The following ELMO1 variants were observed in gnomAD, a reference collection of about 807,000 sequenced individuals.
The protein encoded by ELMO1 is engulfment and cell motility 1.
A neutral mutation model predicts 98.9 loss-of-function variants in ELMO1; 26 were observed. That is an observed-to-expected ratio of 0.26 (90% CI 0.19 to 0.36). The LOEUF (loss-of-function observed/expected upper bound fraction) is 0.36. Ranked by LOEUF, ELMO1 falls within the 10% of genes least tolerant of loss-of-function variation. The pLI is 1.00. For synonymous variants in ELMO1, 346 were observed against 346.0 expected (o/e 1.00, Z 0.00); for missense variants, 627 against 935.2 (o/e 0.67, Z 4.30).
intron 1 of ELMO1, among the ~76,000 whole-genome samples, chr7:37,418,921 CA>C (rs1481768354): frequency 3.9e-5 from 6 of 152,092 alleles, no homozygotes; most frequent in Non-Finnish European, 7.4e-5. Flanking sequence ...GTACTCGCAA[CA>C]AGACTAAGCA....
At chr7:37,069,490 G>A (rs2129223213) in intron 15 of ELMO1, among the ~76,000 whole-genome samples, 1 of 152,274 alleles carries the variant, frequency 6.6e-6, no homozygotes, top group South Asian at 2.1e-4. Context: ...AGTTCTAGCA[G>A]CTGCAAACAT....
At chr7:37,287,194 C>CAA (rs59637350) in intron 4 of ELMO1, among the ~76,000 whole-genome samples, 8 of 99,870 alleles carry the variant, frequency 8.0e-5, no homozygotes, top group Non-Finnish European at 1.1e-4. Flanking sequence ...GACTCCTTCT[C>CAA]AAAAAAAAAA....
rs2129239018 is a variant in ELMO1 at position 37,084,022 on chromosome 7, A to G, written c.1300+12597T>C. Among the ~76,000 whole-genome samples the G allele has an allele frequency of 1.3e-5, 2 of 152,318 alleles. 1 individual carries two copies. The highest frequency in any genetic ancestry group is 4.1e-4 in the South Asian group (2 of 4,824). The stretch of plus-strand genomic sequence containing the variant: ...GAGCTGTCTGGAGGCAGTTGGGGAT[A>G]TAATAAATTAGGAAGTCACACAGCT... On this transcript the variant is annotated intron_variant, in intron 15 of 21. Transcript: ENST00000310758.
intron 6 of ELMO1, among the ~76,000 whole-genome samples, chr7:37,251,633 G>A (rs1795354564): frequency 1.3e-5 from 2 of 152,180 alleles, no homozygotes; most frequent in Non-Finnish European, 1.5e-5. Context: ...CATACTGAAT[G>A]AGCAAAAGCT....
At chr7:37,341,067 G>T (rs1171245635) in intron 2 of ELMO1, among the ~76,000 whole-genome samples, 3 of 152,216 alleles carry the variant, frequency 2.0e-5, no homozygotes, top group Non-Finnish European at 4.4e-5. Flanking sequence ...TGGAGATCTT[G>T]TTAAAATGCA....
At chr7:36,942,368 G>A (rs997598819) in intron 16 of ELMO1, among the ~76,000 whole-genome samples, 1 of 152,118 alleles carries the variant, frequency 6.6e-6, no homozygotes, top group Non-Finnish European at 1.5e-5. Context: ...GCTATATCTA[G>A]AAAAACAAAA....
intron 14 of ELMO1, among the ~76,000 whole-genome samples, chr7:37,102,734 G>A (rs1784705173): frequency 6.6e-6 from 1 of 152,208 alleles, no homozygotes; most frequent in Admixed American, 6.5e-5. Context: ...CAGAGACAAA[G>A]AGATGTGTCA....
intron 16 of ELMO1, among the ~76,000 whole-genome samples, chr7:36,950,177 G>T (rs1055289598): frequency 6.6e-6 from 1 of 152,130 alleles, no homozygotes. Context: ...TCAACAAGGT[G>T]CCCGGGACAG....
intron 16 of ELMO1, among the ~76,000 whole-genome samples, chr7:36,941,259 T>C (rs1449159369): frequency 6.6e-6 from 1 of 152,254 alleles, no homozygotes; most frequent in African/African-American, 2.4e-5. Context: ...GATTTGCTTT[T>C]TATATAGTGT....
chr7:37,093,175 CTG>C (rs146744045), intron 15 of ELMO1, among the ~76,000 whole-genome samples: 3,011 of 150,114 alleles, frequency 0.02, 130 homozygotes, highest in African/African-American at 0.072. Context: ...GAAAATAGTG[CTG>C]TTTTTTTTTT....
intron 16 of ELMO1, among the ~76,000 whole-genome samples, chr7:36,955,389 C>T (rs948773032): frequency 6.6e-6 from 1 of 152,098 alleles, no homozygotes; most frequent in Non-Finnish European, 1.5e-5. Flanking sequence ...GCACAAATTC[C>T]GAAGTAAAGG....
intron 16 of ELMO1, among the ~76,000 whole-genome samples, chr7:36,896,346 G>A (rs1412356977): frequency 3.9e-5 from 6 of 152,194 alleles, no homozygotes; most frequent in Admixed American, 6.5e-5. Flanking sequence ...GATGTTGAAC[G>A]AATATGCATA....
At chr7:36,913,691 CAGA>C (rs1161534060) in intron 16 of ELMO1, among the ~76,000 whole-genome samples, 1 of 152,152 alleles carries the variant, frequency 6.6e-6, no homozygotes, top group African/African-American at 2.4e-5. Flanking sequence ...ACAGGCAAAC[CAGA>C]AGGTCATGAG....
intron 1 of ELMO1, among the ~76,000 whole-genome samples, chr7:37,349,813 C>T (rs1014938405): frequency 2.0e-5 from 3 of 152,200 alleles, no homozygotes; most frequent in African/African-American, 7.2e-5. Context: ...AAGGGGCCAC[C>T]GAAATAGGCT....
At chr7:37,181,392 C>T (rs1363480130) in intron 13 of ELMO1, among the ~76,000 whole-genome samples, 1 of 152,020 alleles carries the variant, frequency 6.6e-6, no homozygotes, top group Non-Finnish European at 1.5e-5. Flanking sequence ...TCTCTGTGGG[C>T]TACTCTTCAC....
intron 16 of ELMO1, among the ~76,000 whole-genome samples, chr7:37,011,996 G>A (rs890167184): frequency 1.3e-5 from 2 of 152,122 alleles, no homozygotes; most frequent in African/African-American, 2.4e-5. Flanking sequence ...CCTGTCCTCC[G>A]GCATAGCTGC....
rs559034520 is a variant in ELMO1 at position 37,287,444 on chromosome 7, A to G, written c.193-15562T>C. Among the ~76,000 whole-genome samples, 10 of 152,336 alleles carry G rather than the reference A, an allele frequency of 6.6e-5. No homozygotes were observed. In the South Asian group the frequency reaches 8.3e-4, roughly 13 times the overall value. ...GACCCCTGTATTAAAGCATTAAATA[A>G]CAAGATCTGTTGTAAGGTCTAATAA... On this transcript the variant is annotated intron_variant, in intron 4 of 21. Coordinates refer to ENST00000310758, the MANE Select transcript of ELMO1 (RefSeq NM_014800.11).
chr7:37,406,359 CAAT>C (rs1803762819), intron 1 of ELMO1, among the ~76,000 whole-genome samples: 2 of 149,710 alleles, frequency 1.3e-5, no homozygotes, highest in Non-Finnish European at 3.0e-5. Flanking sequence ...GTAGCCACAA[CAAT>C]GAGGGGCATA....
rs1792749279 is a variant in ELMO1, at chr7:37,002,491, G to A, written c.1437+10808C>T. Among the ~76,000 whole-genome samples, 3 of 152,158 alleles carry A rather than the reference G, an allele frequency of 2.0e-5. No homozygotes were observed. In the South Asian group the frequency reaches 6.2e-4, roughly 32 times the overall value. On this transcript the variant is annotated intron_variant, in intron 16 of 21. Transcript: ENST00000310758. ...ATGATGAAAAGGTAAAGGACCATGT[G>A]GTGATTGTACCGACTTTGGCCACTA...
Sources: allele counts gnomAD v4.1 joint callset (sites outside exome capture counted in the v4.1 genomes callset), GRCh38; gene constraint gnomAD v4.1.1; transcripts MANE v1.5; gene names NCBI Gene and HGNC (gene_info 2026-07-23, HGNC 2026-07-21).